ACOX3: variants seen among roughly 807,000 people sequenced by gnomAD.
The protein encoded by ACOX3 is peroxisomal acyl-coenzyme A oxidase 3.
Under a neutral mutation model 81.5 loss-of-function variants are expected in ACOX3, and 73 were observed. The ratio of observed to expected loss-of-function variants is 0.90; its 90% confidence interval spans 0.74 to 1.09. The LOEUF is 1.09. ACOX3 is among the 50% of genes least tolerant of loss of function. The probability of loss-of-function intolerance (pLI) is 0.00; values close to 1 mark genes in which losing one functional copy is unlikely to be tolerated. For synonymous variants in ACOX3, 387 were observed against 375.1 expected, an observed-to-expected ratio of 1.03 and a Z score of -0.37; for missense variants, 947 against 928.0, an observed-to-expected ratio of 1.02 and a Z score of -0.27.
the ACOX3 span, chr4:8,355,810 G>A: frequency 2.0e-5 from 3 of 153,340 alleles, no homozygotes; most frequent in Non-Finnish European, 4.4e-5. Flanking sequence ...TGCTTAATAT[G>A]TACAAATATC....
At position 8,370,352 on chromosome 4, in the gene ACOX3, G is replaced by A. The variant is rs918167091; in HGVS notation, c.1983+556C>T. Among the ~76,000 whole-genome samples the A allele has an allele frequency of 2.0e-5, 3 of 152,008 alleles. No homozygotes were observed. The highest frequency in any genetic ancestry group is 1.3e-4 in the Admixed American group (2 of 15,276). ...CTGGTGGAGGCTCCCTCAGGGGGGC[G>A]GCCTGACCCCATCTGCTATGAAGGA... is the stretch of plus-strand genomic sequence containing the variant. On this transcript the variant is annotated intron_variant, in intron 17 of 17. Transcript: ENST00000356406. The surrounding 1 kb of genome is among the most constrained non-coding windows in gnomAD (Gnocchi z 6.3).
chr4:8,409,560 A>G (rs1721448762), intron 6 of ACOX3, among the ~76,000 whole-genome samples: 1 of 127,472 alleles, frequency 7.8e-6, no homozygotes, highest in South Asian at 2.6e-4. Flanking sequence ...GGGCTGTGGG[A>G]TACACTTTGG....
At chr4:8,377,458 T>TCGGCTCTG (rs1387231457) in intron 14 of ACOX3, among the ~76,000 whole-genome samples, 1 of 127,354 alleles carries the variant, frequency 7.9e-6, no homozygotes, top group Non-Finnish European at 1.6e-5. Flanking sequence ...ACAGCGTCAC[T>TCGGCTCTG]CGGCTCTGCA....
In ACOX3 at chr4:8,400,555, G is replaced by A. The variant is rs745437475; in HGVS notation, c.777-903C>T. Reference sequence around the variant, plus strand: ...ATAGGATTACACACACATTGTTATGGATCATGATGTATTAATAACCAAAGA... The same window carrying A: ...ATAGGATTACACACACATTGTTATGAATCATGATGTATTAATAACCAAAGA... On this transcript the variant is annotated intron_variant, in intron 7 of 17. Transcript: ENST00000356406. The surrounding 1 kb of genome is among the most constrained non-coding windows in gnomAD (Gnocchi z 4.4). Among the ~76,000 whole-genome samples, 1 of 152,152 alleles carries A rather than the reference G, an allele frequency of 6.6e-6. No individual in the cohort carries two copies. Among genetic ancestry groups the A allele is most frequent in the Non-Finnish European group, 1.5e-5 (1 of 68,040 alleles).
rs892707239 is a variant in ACOX3, at chr4:8,389,389, C to T, written c.1424-103G>A. On this transcript the variant is annotated intron_variant, in intron 12 of 17. Coordinates refer to ENST00000356406, the MANE Select transcript of ACOX3 (RefSeq NM_003501.3). The surrounding 1 kb of genome is among the most constrained non-coding windows in gnomAD (Gnocchi z 5.3). ...AAGCACAGAGAGTGTCCAGAGGACC[C>T]GACGGCCACAGACCCACAGGCGAGG... 50 of 1,323,964 alleles carry T rather than the reference C, an allele frequency of 3.8e-5. No individual in the cohort carries two copies. The highest frequency in any genetic ancestry group is 6.7e-5 in the South Asian group (5 of 74,826). 82.0% of individuals were successfully genotyped at this position (1,323,964 alleles called of 1,614,324 possible).
intron 8 of ACOX3, among the ~76,000 whole-genome samples, chr4:8,397,411 C>A (rs996350774): frequency 6.6e-6 from 1 of 152,212 alleles, no homozygotes; most frequent in Non-Finnish European, 1.5e-5. Context: ...AGGGTGCTCC[C>A]ACTGTGGGGA....
intron 7 of ACOX3, among the ~76,000 whole-genome samples, chr4:8,401,698 T>C (rs1201241518): frequency 6.6e-6 from 1 of 152,162 alleles, no homozygotes; most frequent in African/African-American, 2.4e-5. Flanking sequence ...CATCGCCACC[T>C]TGCCATGAGG....
At chr4:8,396,804 C>A (rs773009334) in intron 9 of ACOX3, 133 bp downstream of exon 9, 3 of 1,079,260 alleles carry the variant, frequency 2.8e-6, no homozygotes, top group Non-Finnish European at 3.9e-6. Flanking sequence ...GCCGCACTCC[C>A]GCTAACTAAT....
In ACOX3 at chr4:8,400,949, C is replaced by T. The variant is rs1407942223; in HGVS notation, c.777-1297G>A. ...TACAATTAGCCATAATGCAAAATTG[C>T]AAAATCAGTGGGAGCCTGAGCTTGT... is the stretch of plus-strand genomic sequence containing the variant. On this transcript the variant is annotated intron_variant, in intron 7 of 17. Coordinates refer to ENST00000356406, the MANE Select transcript of ACOX3 (RefSeq NM_003501.3). The surrounding 1 kb of genome is among the most constrained non-coding windows in gnomAD (Gnocchi z 4.4). Among the ~76,000 whole-genome samples, 1 of 150,176 alleles carries T rather than the reference C, an allele frequency of 6.7e-6. No homozygotes were observed.
Position 8,389,653 on chromosome 4 carries a change from G to C in ACOX3, c.1382C>G (p.Thr461Arg). Reference protein sequence around the residue: ...EGDNNILLQQTSNYLLGLLAH... With the variant: ...EGDNNILLQQRSNYLLGLLAH... ...CAGGAGACCCAGCAAATAGTTGCTT[G>C]TCTGCTGCAGCAGGATGTTGTTGTC... The change falls in exon 12 of 18, where the codon ACA becomes AGA. Residue 461 changes from threonine (T) to arginine (R), a missense_variant. By Grantham distance (71) the Thr-to-Arg change is moderately conservative. Transcript: ENST00000356406. The surrounding 1 kb of genome is among the most constrained non-coding windows in gnomAD (Gnocchi z 5.3). 1 of 1,614,098 alleles carries C rather than the reference G, an allele frequency of 6.2e-7. No homozygotes were observed. The highest frequency in any genetic ancestry group is 8.5e-7 in the Non-Finnish European group (1 of 1,180,026).
intron 11 of ACOX3, among the ~76,000 whole-genome samples, chr4:8,391,584 C>G (rs28494010): frequency 1.3e-5 from 2 of 152,200 alleles, no homozygotes; most frequent in African/African-American, 4.8e-5. Flanking sequence ...CTAATAATAA[C>G]AGCATTAGCA....
At chr4:8,396,323 T>G (rs1047891731) in intron 9 of ACOX3, among the ~76,000 whole-genome samples, 8 of 152,196 alleles carry the variant, frequency 5.3e-5, no homozygotes, top group Non-Finnish European at 2.9e-5. Context: ...CGCCAAGCTG[T>G]GGCGGCCTCA....
chr4:8,428,593 C>G (rs542313904), intron 1 of ACOX3: 17 of 152,318 alleles, frequency 1.1e-4, no homozygotes, highest in African/African-American at 4.1e-4. Flanking sequence ...AGCCACGAAG[C>G]TTCGCCAGGC....
intron 14 of ACOX3, among the ~76,000 whole-genome samples, chr4:8,376,071 GCTCT>G (rs1225615771): frequency 6.6e-6 from 1 of 152,190 alleles, no homozygotes; most frequent in African/African-American, 2.4e-5. Context: ...GCAACTCTTA[GCTCT>G]CTGAGAAATT....
Position 8,395,217 on chromosome 4 carries a change from G to A in ACOX3, c.1057-475C>T, listed in dbSNP as rs1478137308. 3.1e-5 allele frequency among the ~76,000 whole-genome samples: 4 copies of A among 127,036 alleles called. No individual in the cohort carries two copies. In the East Asian group the frequency reaches 9.9e-4, roughly 31 times the overall value. The allele number at this position is 127,036 out of a possible 152,430, so 83.3% of individuals were successfully genotyped here. ...AGTGCATGTCTTTTTCACTTTGTCT[G>A]AAACAGGATAGGGTCCACCTATTGT... is the stretch of plus-strand genomic sequence containing the variant. On this transcript the variant is annotated intron_variant, in intron 9 of 17. Coordinates refer to ENST00000356406, the MANE Select transcript of ACOX3 (RefSeq NM_003501.3).
At chr4:8,361,529 TA>T (rs1437522467), downstream of ACOX3, among the ~76,000 whole-genome samples, 3 of 150,234 alleles carry the variant, frequency 2.0e-5, no homozygotes, top group Admixed American at 6.6e-5. Flanking sequence ...GTTAATCTTG[TA>T]AAAAAATTCT....
rs1258102526 is a variant in ACOX3, at chr4:8,379,444, T to A, written c.1653+2048A>T. ...TGGGGCTGGTGTCTGTGGGTGTCTG[T>A]CAGCTCCACAGCTCAGCCCAGGGTC... is the stretch of plus-strand genomic sequence containing the variant. On this transcript the variant is annotated intron_variant, in intron 14 of 17. Coordinates refer to ENST00000356406, the MANE Select transcript of ACOX3 (RefSeq NM_003501.3). Among the ~76,000 whole-genome samples, 4 of 152,232 alleles carry A rather than the reference T, an allele frequency of 2.6e-5. No individual in the cohort carries two copies. The South Asian group carries it at 8.3e-4, about 31-fold the overall frequency.
intron 9 of ACOX3, among the ~76,000 whole-genome samples, chr4:8,395,452 G>T (rs1449322407): frequency 6.6e-6 from 1 of 152,084 alleles, no homozygotes; most frequent in African/African-American, 2.4e-5. Flanking sequence ...AAGCCTGAGA[G>T]GATCCTGAGG....
At chr4:8,402,989 C>T (rs532335598) in intron 7 of ACOX3, among the ~76,000 whole-genome samples, 111 of 152,310 alleles carry the variant, frequency 7.3e-4, no homozygotes, top group Non-Finnish European at 1.4e-3. Context: ...TCCCAGCCAC[C>T]GCCTCAGCTC....
Sources: gnomAD v4.1 joint callset for allele counts (sites outside exome capture counted in the v4.1 genomes callset) on GRCh38, gnomAD v4.1.1 for gene constraint, Gnocchi (gnomAD v3.1) non-coding constraint, MANE v1.5 for transcripts, NCBI Gene and HGNC (gene_info 2026-07-23, HGNC 2026-07-21) for gene names.